The following TTC28 variants were observed in gnomAD, a reference collection of about 807,000 sequenced individuals.
TTC28 encodes the protein tetratricopeptide repeat protein 28.
A neutral mutation model predicts 198.0 loss-of-function variants in TTC28; 61 were observed. That is an observed-to-expected ratio of 0.31 (90% CI 0.25 to 0.38). The LOEUF is 0.38. Among genes scored for constraint, TTC28 ranks in the 10% least tolerant of loss-of-function variants. The probability of loss-of-function intolerance (pLI) is 1.00; values close to 1 mark genes in which losing one functional copy is unlikely to be tolerated. For synonymous variants in TTC28, 1,171 were observed against 1,297.8 expected (o/e 0.90, Z 2.10); for missense variants, 2,678 against 3,164.0 (o/e 0.85, Z 3.69).
intron 1 of TTC28, among the ~76,000 whole-genome samples, chr22:28,673,233 A>G (rs1332906074): frequency 6.6e-6 from 1 of 151,962 alleles, no homozygotes; most frequent in East Asian, 1.9e-4. Context: ...ATTTAGCTAG[A>G]CTTGGTGGCA....
At chr22:28,529,626 T>G (rs993414262) in intron 2 of TTC28, among the ~76,000 whole-genome samples, 1 of 152,230 alleles carries the variant, frequency 6.6e-6, no homozygotes, top group Non-Finnish European at 1.5e-5. Flanking sequence ...TCCTAACCCC[T>G]GAGTAGCCTA....
chr22:28,162,728 C>T (rs931497235), intron 6 of TTC28, among the ~76,000 whole-genome samples: 1 of 152,120 alleles, frequency 6.6e-6, no homozygotes, highest in Non-Finnish European at 1.5e-5. Context: ...GTGGGAGGAT[C>T]GCTTGAGCCC....
At chr22:28,069,386 C>T (rs549601933) in intron 12 of TTC28, among the ~76,000 whole-genome samples, 1 of 152,236 alleles carries the variant, frequency 6.6e-6, no homozygotes, top group East Asian at 1.9e-4. Context: ...AGTTCATACA[C>T]CTATGTCTGA....
At chr22:28,537,272 G>A (rs931578861) in intron 2 of TTC28, among the ~76,000 whole-genome samples, 14 of 111,186 alleles carry the variant, frequency 1.3e-4, no homozygotes, top group East Asian at 9.9e-4. Context: ...CAGCCTGGGC[G>A]ACAGAGCCAG....
chr22:28,351,459 C>T (rs906702320), intron 2 of TTC28, among the ~76,000 whole-genome samples: 1 of 152,130 alleles, frequency 6.6e-6, no homozygotes, highest in Admixed American at 6.5e-5. Context: ...TGCTTTGAGA[C>T]GTGAAAAGCC....
chr22:28,337,599 GTTCT>G lies in TTC28; in HGVS notation c.382-30960_382-30957del, dbSNP rs899519998. Reference sequence around the variant, plus strand: ...GATCCCTTTACCATTATGTAATGGCGTTCTTTGTCTCTTTTGATCTTTGTTGGTT... The same window carrying G: ...GATCCCTTTACCATTATGTAATGGCGTTGTCTCTTTTGATCTTTGTTGGTT... On this transcript the variant is annotated intron_variant, in intron 2 of 22. Transcript: ENST00000397906. Among the ~76,000 whole-genome samples the G allele has an allele frequency of 8.5e-5, 13 of 152,208 alleles. 1 individual carries two copies. Among genetic ancestry groups the G allele is most frequent in the South Asian group, 4.1e-4 (2 of 4,820 alleles).
chr22:28,499,591 TGAAGTATATCATATA>T (rs2048507767), intron 2 of TTC28, among the ~76,000 whole-genome samples: 1 of 152,160 alleles, frequency 6.6e-6, no homozygotes, highest in African/African-American at 2.4e-5. Context: ...GAATGTTTAC[TGAAGTATATCATATA>T]GAGAGATTAC....
intron 2 of TTC28, among the ~76,000 whole-genome samples, chr22:28,599,564 G>A (rs1251811515): frequency 6.6e-6 from 1 of 152,132 alleles, no homozygotes; most frequent in Non-Finnish European, 1.5e-5. Context: ...CGAGGTGGGA[G>A]GATCCCTTGA....
intron 2 of TTC28, among the ~76,000 whole-genome samples, chr22:28,355,481 A>G (rs2046062178): frequency 6.6e-6 from 1 of 152,238 alleles, no homozygotes; most frequent in African/African-American, 2.4e-5. Flanking sequence ...CAAACATCTA[A>G]TCATGTGCCA....
chr22:28,366,555 A>G (rs1187781944), intron 2 of TTC28, among the ~76,000 whole-genome samples: 4 of 152,148 alleles, frequency 2.6e-5, no homozygotes, highest in African/African-American at 9.6e-5. Flanking sequence ...TGACGAGAAA[A>G]CAAATGACAA....
At chr22:28,274,729 C>T (rs1932300319) in intron 5 of TTC28, among the ~76,000 whole-genome samples, 1 of 152,060 alleles carries the variant, frequency 6.6e-6, no homozygotes, top group Non-Finnish European at 1.5e-5. Context: ...GCCTGTAATC[C>T]CAGCACTTTG....
chr22:28,599,173 A>T (rs568028581), intron 2 of TTC28, among the ~76,000 whole-genome samples: 1 of 152,370 alleles, frequency 6.6e-6, no homozygotes, highest in African/African-American at 2.4e-5. Context: ...ACTAGTAAGG[A>T]TTAAAGAAAA....
intron 2 of TTC28, among the ~76,000 whole-genome samples, chr22:28,558,480 C>A (rs1477050109): frequency 6.6e-6 from 1 of 151,932 alleles, no homozygotes; most frequent in Non-Finnish European, 1.5e-5. Context: ...TCAAGACCAG[C>A]CTGACCAACA....
At chr22:28,364,951 G>A (rs111542987) in intron 2 of TTC28, among the ~76,000 whole-genome samples, 3 of 152,340 alleles carry the variant, frequency 2.0e-5, no homozygotes, top group African/African-American at 7.2e-5. Flanking sequence ...GGTTTTAGAA[G>A]ATTGACTCCA....
intron 2 of TTC28, among the ~76,000 whole-genome samples, chr22:28,312,360 C>A (rs990408588): frequency 6.6e-6 from 1 of 152,128 alleles, no homozygotes; most frequent in Admixed American, 6.6e-5. Flanking sequence ...ACCAAGCGAA[C>A]CTAATAGACA....
At chr22:28,136,951 G>A (rs1943213349) in intron 6 of TTC28, among the ~76,000 whole-genome samples, 2 of 152,160 alleles carry the variant, frequency 1.3e-5, no homozygotes, top group African/African-American at 4.8e-5. Context: ...AGGATGGACT[G>A]CTGAGGTTCC....
intron 2 of TTC28, among the ~76,000 whole-genome samples, chr22:28,442,422 G>A (rs999249606): frequency 6.6e-6 from 1 of 152,206 alleles, no homozygotes; most frequent in Non-Finnish European, 1.5e-5. Context: ...GCCCCCCAGC[G>A]GGGCCCTGGG....
intron 2 of TTC28, among the ~76,000 whole-genome samples, chr22:28,347,016 A>T (rs1475612159): frequency 1.3e-5 from 2 of 152,166 alleles, no homozygotes; most frequent in Non-Finnish European, 2.9e-5. Flanking sequence ...TAATCCCAAC[A>T]CTTTGGGAGG....
intron 5 of TTC28, among the ~76,000 whole-genome samples, chr22:28,184,988 C>CAGGT (rs1924056221): frequency 6.6e-6 from 1 of 152,104 alleles, no homozygotes; most frequent in African/African-American, 2.4e-5. Context: ...TGGCACTTAG[C>CAGGT]AGGTGCTCAG....
Sources: gnomAD v4.1 joint callset for allele counts (sites outside exome capture counted in the v4.1 genomes callset) on GRCh38, gnomAD v4.1.1 for gene constraint, MANE v1.5 for transcripts, NCBI Gene and HGNC (gene_info 2026-07-23, HGNC 2026-07-21) for gene names.